ECT2L: variants seen among roughly 807,000 people sequenced by gnomAD.
ECT2L encodes the protein epithelial cell transforming 2 like, also known as epithelial cell-transforming sequence 2 oncogene-like.
A neutral mutation model predicts 122.8 loss-of-function variants in ECT2L; 126 were observed. The ratio of observed to expected loss-of-function variants is 1.03; its 90% CI spans 0.89 to 1.19. ECT2L has a LOEUF of 1.19. Ranked by LOEUF, ECT2L falls within the 50% of genes most tolerant of loss-of-function variation. The probability of loss-of-function intolerance (pLI) is 0.00; values close to 1 mark genes in which losing one functional copy is unlikely to be tolerated. For missense variants in ECT2L, 1,012 were observed against 1,064.1 expected, an observed-to-expected ratio of 0.95 and a Z score of 0.68; for synonymous variants, 385 against 381.8, an observed-to-expected ratio of 1.01 and a Z score of -0.10.
chr6:138,901,053 A>C lies in ECT2L; in HGVS notation c.2520A>C (p.Thr840=), dbSNP rs373678912. The C allele has an allele frequency of 5.5e-5, 89 of 1,614,052 alleles. No homozygotes were observed. In the African/African-American group the frequency reaches 1.1e-3, roughly 19 times the overall value. Residue 840 remains threonine (T), a synonymous_variant, in exon 21 of 22, where the codon ACA becomes ACC. Transcript: ENST00000541398. ...CTCCATTTGAGAGGACTTCAAAAAC[A>C]ACCTACCAGTTCATTGCATCAGTGG... The part of the protein sequence containing the change: ...SHTPFERTSK[T]TYQFIASVAL...
intron 8 of ECT2L, among the ~76,000 whole-genome samples, chr6:138,846,964 T>C (rs1192099419): frequency 8.2e-5 from 6 of 73,110 alleles, no homozygotes; most frequent in Non-Finnish European, 1.3e-4. Flanking sequence ...TCTGTTTCTA[T>C]AAAAAAAAAA....
At chr6:138,849,483 C>T in intron 9 of ECT2L, 49 bp downstream of exon 9, 5 of 1,526,408 alleles carry the variant, frequency 3.3e-6, no homozygotes, top group South Asian at 1.3e-5. Context: ...TCGCGCTGTG[C>T]ACTTTGTCCA....
chr6:138,821,171 G>T (rs1776256355), intron 4 of ECT2L, among the ~76,000 whole-genome samples: 1 of 152,216 alleles, frequency 6.6e-6, no homozygotes, highest in South Asian at 2.1e-4. Context: ...AACAAAATTT[G>T]TCCCAGTTCT....
chr6:138,811,786 C>T (rs913588385), intron 1 of ECT2L, among the ~76,000 whole-genome samples: 1 of 152,176 alleles, frequency 6.6e-6, no homozygotes, highest in Admixed American at 6.5e-5. Context: ...TCAAGCGATT[C>T]TCCTGCCTCA....
At chr6:138,901,432 T>C (rs1779391885) in intron 21 of ECT2L, among the ~76,000 whole-genome samples, 1 of 152,220 alleles carries the variant, frequency 6.6e-6, no homozygotes, top group Non-Finnish European at 1.5e-5. Flanking sequence ...TCAACCACTA[T>C]TCTATACTGT....
Position 138,813,199 on chromosome 6 carries a change from T to C in ECT2L, c.-76T>C. On this transcript the variant is annotated 5_prime_UTR_variant, in exon 3 of 22. Transcript: ENST00000541398. ...GATCTTAATTGCACACCTATTGAAA[T>C]AAACCTGTAGTTTCTAGAAGTGGAA... 2 of 1,039,950 alleles carry C rather than the reference T, an allele frequency of 1.9e-6. No individual in the cohort carries two copies. The highest frequency in any genetic ancestry group is 2.9e-6 in the Non-Finnish European group (2 of 686,630). The allele number at this position is 1,039,950 out of a possible 1,614,324, so 64.4% of individuals were successfully genotyped here. A position where few individuals can be genotyped will look rare whatever the true frequency, so the allele number is the denominator to read the frequency against.
In ECT2L at chr6:138,805,800, C is replaced by T. The variant is rs562535583; in HGVS notation, c.-243-7038C>T. ...GGTATAAGTCTTCTTAAGGTCCATGCCCAGAAGTCACACATCATCACTTCC... is the reference window on the plus strand; with the variant it reads ...GGTATAAGTCTTCTTAAGGTCCATGTCCAGAAGTCACACATCATCACTTCC... On this transcript the variant is annotated intron_variant, in intron 1 of 21. Coordinates refer to ENST00000541398, the MANE Select transcript of ECT2L (RefSeq NM_001077706.3). Among the ~76,000 whole-genome samples the T allele has an allele frequency of 5.9e-5, 9 of 152,258 alleles. No homozygotes were observed. In the South Asian group the frequency reaches 1.5e-3, roughly 25 times the overall value.
chr6:138,844,610 A>C (rs1355798143), intron 7 of ECT2L, 30 bp downstream of exon 7: 3 of 1,605,132 alleles, frequency 1.9e-6, no homozygotes, highest in African/African-American at 1.3e-5. Flanking sequence ...CTGAAGGCTC[A>C]ACACCATCCC....
chr6:138,806,638 G>A (rs566171188), intron 1 of ECT2L, among the ~76,000 whole-genome samples: 38 of 148,140 alleles, frequency 2.6e-4, no homozygotes, highest in African/African-American at 8.5e-4. Context: ...TCAGTCTCTC[G>A]AGTAGCTAGG....
At position 138,844,560 on chromosome 6, in the gene ECT2L, G is replaced by A. The variant is rs751800478; in HGVS notation, c.744G>A (p.Ser248=). 8.1e-6 allele frequency: 13 copies of A among 1,614,038 alleles called. No homozygotes were observed. The highest frequency in any genetic ancestry group is 1.6e-4 in the Middle Eastern group (1 of 6,062). The stretch of plus-strand genomic sequence containing the variant: ...TGGAGAAACAGCTTGTTTTGACATC[G>A]TTAGAAACCTTGCCCAAGCGGTAAG... ...EALEKQLVLT[S]LETLPKRSNI... The change falls in exon 7 of 22, where the codon TCG becomes TCA. Residue 248 remains serine, a synonymous_variant. Transcript: ENST00000541398.
chr6:138,877,988 CTT>C (rs1284581491), intron 14 of ECT2L, among the ~76,000 whole-genome samples: 19 of 152,094 alleles, frequency 1.2e-4, no homozygotes, highest in Non-Finnish European at 2.2e-4. Context: ...TCATTTTTCT[CTT>C]AAGTTTTTTT....
At chr6:138,862,863 T>C in intron 11 of ECT2L, 144 bp downstream of exon 11, 1 of 580,460 alleles carries the variant, frequency 1.7e-6, no homozygotes, top group Admixed American at 2.9e-5. Flanking sequence ...CGCTATTAGT[T>C]CCCAAACTAG....
intron 12 of ECT2L, among the ~76,000 whole-genome samples, chr6:138,865,410 C>G (rs1429152426): frequency 6.6e-6 from 1 of 152,126 alleles, no homozygotes; most frequent in Non-Finnish European, 1.5e-5. Context: ...ATTTTACCAC[C>G]TTATTAATTC....
intron 16 of ECT2L, among the ~76,000 whole-genome samples, chr6:138,884,720 A>G (rs779132224): frequency 6.6e-6 from 1 of 152,208 alleles, no homozygotes; most frequent in African/African-American, 2.4e-5. Context: ...CGTAATTAAC[A>G]GAAGTATTAA....
At chr6:138,808,006 T>C (rs960343717) in intron 1 of ECT2L, among the ~76,000 whole-genome samples, 3 of 152,180 alleles carry the variant, frequency 2.0e-5, no homozygotes, top group Non-Finnish European at 4.4e-5. Flanking sequence ...CTTGACCCTT[T>C]GCATTTTCAT....
chr6:138,835,266 T>C (rs1328348342), intron 4 of ECT2L, among the ~76,000 whole-genome samples: 1 of 152,164 alleles, frequency 6.6e-6, no homozygotes, highest in Non-Finnish European at 1.5e-5. Flanking sequence ...TTAATAGTTA[T>C]GGCCAGGCGC....
chr6:138,814,669 T>C (rs1776010941), intron 4 of ECT2L, 66 bp downstream of exon 4: 1 of 996,578 alleles, frequency 1.0e-6, no homozygotes, highest in South Asian at 1.7e-5. Flanking sequence ...AATGTTTATA[T>C]AACCTTTAAG....
intron 4 of ECT2L, among the ~76,000 whole-genome samples, chr6:138,835,848 G>A (rs1054591227): frequency 2.6e-5 from 4 of 152,156 alleles, no homozygotes; most frequent in African/African-American, 9.7e-5. Flanking sequence ...CCAGAATCCA[G>A]CCCAGGGTTA....
At chr6:138,876,614 T>A in intron 14 of ECT2L, 56 bp downstream of exon 14, 1 of 1,168,158 alleles carries the variant, frequency 8.6e-7, no homozygotes, top group African/African-American at 1.6e-5. Context: ...TAGTGAAATT[T>A]CAGCCTTTAT....
Sources: allele counts gnomAD v4.1 joint callset (sites outside exome capture counted in the v4.1 genomes callset), GRCh38; gene constraint gnomAD v4.1.1; transcripts MANE v1.5; gene names NCBI Gene and HGNC (gene_info 2026-07-23, HGNC 2026-07-21).